The following ABL2 variants were observed in gnomAD, a reference collection of about 807,000 sequenced individuals.
ABL2 encodes ABL proto-oncogene 2, non-receptor tyrosine kinase.
A neutral mutation model predicts 107.7 loss-of-function variants in ABL2; 49 were observed. The ratio of observed to expected loss-of-function variants is 0.45; its 90% confidence interval spans 0.36 to 0.58. ABL2 has a LOEUF of 0.58. Among genes scored for constraint, ABL2 ranks in the 20% least tolerant of loss-of-function variants. The pLI, the probability that ABL2 is intolerant of heterozygous loss-of-function variation, is 0.00. For synonymous variants in ABL2, 549 were observed against 548.6 expected, an observed-to-expected ratio of 1.00 and a Z score of -0.01; for missense variants, 1,245 against 1,457.0, an observed-to-expected ratio of 0.85 and a Z score of 2.37.
In ABL2 at chr1:179,111,443, G is replaced by A. The variant is rs567859744; in HGVS notation, c.1651+866C>T. Among the ~76,000 whole-genome samples the A allele has an allele frequency of 3.3e-5, 5 of 151,396 alleles. No homozygotes were observed. In the East Asian group the frequency reaches 5.9e-4, roughly 18 times the overall value. ...TGGGATTACAGGCGCCTGCCATCAC[G>A]CCTGGCTAGTTTTTGTATTTTTAGT... is the stretch of plus-strand genomic sequence containing the variant. On this transcript the variant is annotated intron_variant, in intron 10 of 11. Coordinates refer to ENST00000502732, the MANE Select transcript of ABL2 (RefSeq NM_007314.4).
intron 1 of ABL2, among the ~76,000 whole-genome samples, chr1:179,185,132 A>G (rs1184723804): frequency 6.6e-6 from 1 of 152,130 alleles, no homozygotes; most frequent in Non-Finnish European, 1.5e-5. Context: ...GCATTTACCA[A>G]TATGCATCTG....
intron 1 of ABL2, among the ~76,000 whole-genome samples, chr1:179,166,561 G>A (rs1314232207): frequency 2.0e-5 from 3 of 151,866 alleles, no homozygotes; most frequent in Admixed American, 6.6e-5. Context: ...GGTGGATCAC[G>A]AGGGCAGGAG....
intron 1 of ABL2, among the ~76,000 whole-genome samples, chr1:179,140,080 A>T (rs763139629): frequency 2.0e-5 from 3 of 152,148 alleles, no homozygotes; most frequent in Non-Finnish European, 4.4e-5. Context: ...CATAAGTCAG[A>T]TTGCTACTCC....
chr1:179,178,401 C>CAAAAAAAAAAAAAAAAAAAAAAAAAAA (rs572438530), intron 1 of ABL2, among the ~76,000 whole-genome samples: 8 of 68,640 alleles, frequency 1.2e-4, no homozygotes, highest in Admixed American at 2.0e-4. Context: ...GACTCTGCCT[C>CAAAAAAAAAAAAAAAAAAAAAAAAAAA]AAAAAAAAAA....
chr1:179,108,537 C>T lies in ABL2; in HGVS notation c.2730G>A (p.Gln910=). The change falls in exon 12 of 12, where the codon CAG becomes CAA. Residue 910 remains glutamine, a synonymous_variant. Transcript: ENST00000502732. ...GMAGVPEDGE[Q]PGWPSPAKAA... is the part of the protein sequence containing the mutation. ...CCTTGGCTGGAGAAGGCCAGCCCGG[C>T]TGCTCTCCATCCTCTGGAACTCCAG... 2 of 1,614,148 alleles carry T rather than the reference C, an allele frequency of 1.2e-6. No homozygotes were observed. Among genetic ancestry groups the T allele is most frequent in the South Asian group, 1.1e-5 (1 of 91,092 alleles).
chr1:179,131,309 A>G lies in ABL2; in HGVS notation c.391+2T>C, dbSNP rs1656300410. ...TGAAAGGATGCTACATAGAAGCCTC[A>G]CCTTTAGTGATGCTGAGTGTGTTAT... On this transcript the variant is annotated splice_donor_variant, in intron 3 of 11. Coordinates refer to ENST00000502732, the MANE Select transcript of ABL2 (RefSeq NM_007314.4). LOFTEE classifies it high-confidence loss of function. 2 of 1,612,748 alleles carry G rather than the reference A, an allele frequency of 1.2e-6. No homozygotes were observed. The highest frequency in any genetic ancestry group is 1.7e-6 in the Non-Finnish European group (2 of 1,178,902).
rs2102579802 is a variant in ABL2, at chr1:179,109,111, C to T, written c.2156G>A (p.Gly719Glu). 6.2e-7 allele frequency: 1 copy of T among 1,613,178 alleles called. No homozygotes were observed. Residue 719 changes from glycine to glutamate, a missense_variant, in exon 12 of 12, where the codon GGG becomes GAG. Around this residue, in one of 3 missense-constraint regions of ABL2, gnomAD observed 761 missense variants for 766.4 expected, o/e 0.99. Coordinates refer to ENST00000502732, the MANE Select transcript of ABL2 (RefSeq NM_007314.4). Reference sequence around the variant, plus strand: ...GAGGTTCCTCTGTGCAAAGCTCCCCCCATAGCACTTGGGTGGCACCAGATT... The same window carrying T: ...GAGGTTCCTCTGTGCAAAGCTCCCCTCATAGCACTTGGGTGGCACCAGATT... ...EANLVPPKCY[G>E]GSFAQRNLCN...
At chr1:179,147,062 TA>T (rs879571231) in intron 1 of ABL2, among the ~76,000 whole-genome samples, 58 of 140,588 alleles carry the variant, frequency 4.1e-4, no homozygotes, top group Middle Eastern at 3.7e-3. Context: ...ACCCTGTCTT[TA>T]AAAAAAAAAA....
At chr1:179,154,896 T>C (rs1658587451) in intron 1 of ABL2, among the ~76,000 whole-genome samples, 1 of 152,220 alleles carries the variant, frequency 6.6e-6, no homozygotes, top group South Asian at 2.1e-4. Flanking sequence ...ATCACGGATT[T>C]TCCTCTGTAT....
chr1:179,210,977 T>C (rs1662239853), intron 1 of ABL2, among the ~76,000 whole-genome samples: 1 of 152,070 alleles, frequency 6.6e-6, no homozygotes, highest in Non-Finnish European at 1.5e-5. Context: ...GCTTGCAAGC[T>C]TGGAAAAATA....
chr1:179,136,737 T>TAAAA (rs1553222258), intron 1 of ABL2, among the ~76,000 whole-genome samples: 3 of 142,794 alleles, frequency 2.1e-5, no homozygotes, highest in African/African-American at 5.6e-5. Context: ...AATAAATAAA[T>TAAAA]AAATAAAAAT....
chr1:179,179,475 TAGAA>T (rs1553229340), intron 1 of ABL2, among the ~76,000 whole-genome samples: 1 of 151,854 alleles, frequency 6.6e-6, no homozygotes, highest in Non-Finnish European at 1.5e-5. Context: ...TTTTTTGTAA[TAGAA>T]AGTACCTAGG....
Position 179,155,671 on chromosome 1 carries a change from C to T in ABL2, c.158-22297G>A, listed in dbSNP as rs1227187429. 4.0e-5 allele frequency among the ~76,000 whole-genome samples: 6 copies of T among 149,404 alleles called. No homozygotes were observed. In the South Asian group the frequency reaches 1.1e-3, roughly 26 times the overall value. Reference sequence around the variant, plus strand: ...GCTTGAACCTAGGTGGCAGAGGTTGCAATGAGCCGAGATCGGGCCACTACA... The same window carrying T: ...GCTTGAACCTAGGTGGCAGAGGTTGTAATGAGCCGAGATCGGGCCACTACA... On this transcript the variant is annotated intron_variant, in intron 1 of 11. Transcript: ENST00000502732.
At chr1:179,123,002 A>G (rs1655370772) in intron 4 of ABL2, among the ~76,000 whole-genome samples, 1 of 152,158 alleles carries the variant, frequency 6.6e-6, no homozygotes, top group African/African-American at 2.4e-5. Context: ...GGACTCAACT[A>G]CAGAAGATAC....
Position 179,107,575 on chromosome 1 carries a change from T to G in ABL2, c.*143A>C. The stretch of plus-strand genomic sequence containing the variant: ...TATTTTTGAGATGAAACTGTAAACG[T>G]GAGAACTCAGGGATCTGAGGTACTT... On this transcript the variant is annotated 3_prime_UTR_variant, in exon 12 of 12. Transcript: ENST00000502732. 4 of 1,440,850 alleles carry G rather than the reference T, an allele frequency of 2.8e-6. No individual in the cohort carries two copies. The highest frequency in any genetic ancestry group is 3.7e-6 in the Non-Finnish European group (4 of 1,090,736). 89.3% of individuals were successfully genotyped at this position (1,440,850 alleles called of 1,614,324 possible).
chr1:179,115,531 G>A (rs957282673), intron 8 of ABL2, among the ~76,000 whole-genome samples: 6 of 152,006 alleles, frequency 3.9e-5, no homozygotes, highest in African/African-American at 1.2e-4. Context: ...TCTCCTTCCC[G>A]CCTCGCACAT....
At chr1:179,138,391 G>A (rs917925169) in intron 1 of ABL2, among the ~76,000 whole-genome samples, 4 of 152,120 alleles carry the variant, frequency 2.6e-5, no homozygotes, top group African/African-American at 7.2e-5. Context: ...GAGCCACCGC[G>A]CCCAGCCTGT....
In ABL2 at chr1:179,186,376, T is replaced by TTTG. The variant is rs536812431; in HGVS notation, c.157+42862_157+42864dup. Among the ~76,000 whole-genome samples, 269 of 152,202 alleles carry TTTG rather than the reference T, an allele frequency of 1.8e-3. 1 individual carries two copies. The highest frequency in any genetic ancestry group is 6.0e-3 in the African/African-American group (249 of 41,546). On this transcript the variant is annotated intron_variant, in intron 1 of 11. Coordinates refer to ENST00000502732, the MANE Select transcript of ABL2 (RefSeq NM_007314.4). ...GTTTATCAGCCATTTCAACTTCTTT[T>TTTG]TTGTTGTTGTTGTTGTTTTGAGAGG...
At position 179,110,411 on chromosome 1, in the gene ABL2, C is replaced by T. The variant is rs762559976; in HGVS notation, c.1696G>A (p.Val566Ile). The T allele has an allele frequency of 6.2e-7, 1 of 1,614,080 alleles. No individual in the cohort carries two copies. The highest frequency in any genetic ancestry group is 8.5e-7 in the Non-Finnish European group (1 of 1,180,010). The part of the protein sequence containing the change: ...LGRAASSSSV[V>I]PYLPRLPILP... ...ATAGGTAGCCGGGGCAGGTATGGAA[C>T]AACAGATGACGAGGAGGCGGCTCTC... Residue 566 changes from valine to isoleucine, a missense_variant, in exon 11 of 12, where the codon GTT becomes ATT. Physicochemically the swap from Val to Ile is conservative, Grantham distance 29 (BLOSUM62 3). Coordinates refer to ENST00000502732, the MANE Select transcript of ABL2 (RefSeq NM_007314.4).
Sources: allele counts gnomAD v4.1 joint callset (sites outside exome capture counted in the v4.1 genomes callset), GRCh38; gene constraint gnomAD v4.1.1; regional missense constraint gnomAD v4.1.1; transcripts MANE v1.5; gene names NCBI Gene and HGNC (gene_info 2026-07-23, HGNC 2026-07-21).